Variants in MAP4K4 observed in about 807,000 individuals in gnomAD.
MAP4K4 encodes HPK/GCK-like kinase HGK.
Under a neutral mutation model 189.6 loss-of-function variants are expected in MAP4K4, and 38 were observed. That is an observed-to-expected ratio of 0.20 (90% CI 0.15 to 0.26). The LOEUF is 0.26. Ranked by LOEUF, MAP4K4 falls within the 10% of genes least tolerant of loss-of-function variation. MAP4K4 has a pLI of 1.00. For missense variants in MAP4K4, 1,054 were observed against 1,726.9 expected (o/e 0.61, Z 6.91); for synonymous variants, 610 against 624.3 (o/e 0.98, Z 0.34).
At chr2:101,770,819 C>T (rs2081063266) in intron 2 of MAP4K4, among the ~76,000 whole-genome samples, 1 of 152,112 alleles carries the variant, frequency 6.6e-6, no homozygotes, top group Admixed American at 6.5e-5. Context: ...CATAATTGTC[C>T]CAGTGGACAT....
chr2:101,725,100 T>C (rs7597122), intron 2 of MAP4K4, among the ~76,000 whole-genome samples: 15,159 of 152,156 alleles, frequency 0.1, 2,151 homozygotes, highest in African/African-American at 0.32. Context: ...ATGGATGACA[T>C]TGCCTTTCAC....
At chr2:101,834,591 C>CT (rs1161589045) in intron 8 of MAP4K4, 128 bp downstream of exon 8, 3 of 685,336 alleles carry the variant, frequency 4.4e-6, no homozygotes, top group Non-Finnish European at 7.5e-6. Context: ...ATGAAGGCAA[C>CT]ATAAATATAG....
At chr2:101,873,702 C>T in exon 25 of MAP4K4, 2 of 1,613,210 alleles carry the variant, frequency 1.2e-6, no homozygotes, top group Non-Finnish European at 1.7e-6. Flanking sequence ...TCCTTTACAC[C>T]TTTTATAGAC....
At chr2:101,887,138 G>A (rs1438380494) in exon 30 of MAP4K4, 1 of 1,605,164 alleles carries the variant, frequency 6.2e-7, no homozygotes, top group East Asian at 2.2e-5. Context: ...TCACTGTTGA[G>A]GAAGGCCAGA....
At chr2:101,732,852 G>A (rs1347181115) in intron 2 of MAP4K4, among the ~76,000 whole-genome samples, 1 of 152,286 alleles carries the variant, frequency 6.6e-6, no homozygotes, top group Non-Finnish European at 1.5e-5. Flanking sequence ...CTCCCGAAGT[G>A]TTGGGATTAC....
chr2:101,850,185 A>T (rs991678495), intron 12 of MAP4K4, among the ~76,000 whole-genome samples: 6 of 152,136 alleles, frequency 3.9e-5, no homozygotes, highest in African/African-American at 1.4e-4. Flanking sequence ...AGTAACATTT[A>T]TTTCTGTCAT....
chr2:101,801,046 T>A (rs1263705801), intron 3 of MAP4K4, among the ~76,000 whole-genome samples: 1 of 152,094 alleles, frequency 6.6e-6, no homozygotes, highest in East Asian at 1.9e-4. Context: ...TTTAAAAAAA[T>A]GGATACTGTC....
chr2:101,776,915 T>C (rs1001074774), intron 2 of MAP4K4, among the ~76,000 whole-genome samples: 3 of 152,222 alleles, frequency 2.0e-5, no homozygotes, highest in African/African-American at 4.8e-5. Context: ...TTTAGGATTT[T>C]GTTTTTAAAT....
intron 2 of MAP4K4, among the ~76,000 whole-genome samples, chr2:101,789,157 T>C (rs1292355431): frequency 1.3e-5 from 2 of 151,944 alleles, no homozygotes; most frequent in African/African-American, 4.8e-5. Context: ...CTGCAGGGGG[T>C]GAATAACAGG....
chr2:101,836,700 A>G (rs1322985423), intron 9 of MAP4K4, among the ~76,000 whole-genome samples: 1 of 152,240 alleles, frequency 6.6e-6, no homozygotes, highest in Non-Finnish European at 1.5e-5. Context: ...TAAAAATTGA[A>G]GTTAGACATA....
intron 27 of MAP4K4, among the ~76,000 whole-genome samples, chr2:101,881,634 C>G (rs978848953): frequency 3.3e-5 from 5 of 152,116 alleles, no homozygotes; most frequent in African/African-American, 1.2e-4. Context: ...AGTTTCTTGC[C>G]ATTATGTATG....
chr2:101,777,704 C>A (rs1185815450), intron 2 of MAP4K4, among the ~76,000 whole-genome samples: 1 of 152,186 alleles, frequency 6.6e-6, no homozygotes, highest in Non-Finnish European at 1.5e-5. Flanking sequence ...TTCAGAAGAG[C>A]AGAAGGTGTA....
intron 20 of MAP4K4, 51 bp downstream of exon 20, chr2:101,867,360 T>G: frequency 7.2e-7 from 1 of 1,380,414 alleles, no homozygotes; most frequent in Non-Finnish European, 1.0e-6. Context: ...GAATGAGATC[T>G]TTCTATTAAA....
At chr2:101,860,675 A>G in intron 15 of MAP4K4, 150 bp from the exon 16 acceptor site, 1 of 632,104 alleles carries the variant, frequency 1.6e-6, no homozygotes, top group South Asian at 2.1e-5. Context: ...TGCTTTATGT[A>G]CCTTCTTTTT....
chr2:101,776,812 G>A (rs1183238942), intron 2 of MAP4K4, among the ~76,000 whole-genome samples: 6 of 151,996 alleles, frequency 3.9e-5, no homozygotes, highest in Non-Finnish European at 5.9e-5. Flanking sequence ...ATGTTAATTG[G>A]CTTTTGTTAA....
At position 101,818,260 on chromosome 2, in the gene MAP4K4, T is replaced by A. The variant is rs1042191552; in HGVS notation, c.181-5668T>A. ...TAAAAACAGATATTTTCATTCTAAA[T>A]GTATATTCATTTGTACATTTTGGTG... On this transcript the variant is annotated intron_variant, in intron 3 of 32. Transcript: ENST00000324219. Among the ~76,000 whole-genome samples, 2 of 152,220 alleles carry A rather than the reference T, an allele frequency of 1.3e-5. 1 individual carries two copies. The highest frequency in any genetic ancestry group is 4.1e-4 in the South Asian group (2 of 4,834).
intron 3 of MAP4K4, among the ~76,000 whole-genome samples, chr2:101,807,076 C>G (rs544904680): frequency 6.8e-6 from 1 of 146,344 alleles, no homozygotes; most frequent in East Asian, 2.0e-4. Flanking sequence ...AGACCAGTGT[C>G]TGTCTCACTC....
chr2:101,882,815 C>T (rs767768340), intron 28 of MAP4K4, 130 bp downstream of exon 28: 15 of 934,712 alleles, frequency 1.6e-5, no homozygotes, highest in Non-Finnish European at 2.2e-5. Flanking sequence ...TGGATCATTT[C>T]TGGTGTTCTT....
intron 12 of MAP4K4, 97 bp from the exon 13 acceptor site, chr2:101,855,880 A>G (rs573087855): frequency 8.2e-7 from 1 of 1,224,494 alleles, no homozygotes; most frequent in Non-Finnish European, 1.1e-6. Flanking sequence ...ACCTCACCTC[A>G]TTAGTGTCCA....
Sources: gnomAD v4.1 joint callset for allele counts (sites outside exome capture counted in the v4.1 genomes callset) on GRCh38, gnomAD v4.1.1 for gene constraint, MANE v1.5 for transcripts, NCBI Gene and HGNC (gene_info 2026-07-23, HGNC 2026-07-21) for gene names.